PPP1R12B: variants seen among roughly 807,000 people sequenced by gnomAD.
PPP1R12B encodes protein phosphatase 1 regulatory subunit 12B, also known as myosin phosphatase target subunit 2.
Under a neutral mutation model 126.1 loss-of-function variants are expected in PPP1R12B, and 76 were observed. That is an observed-to-expected ratio of 0.60 (90% confidence interval 0.50 to 0.73). The LOEUF (loss-of-function observed/expected upper bound fraction) is 0.73. Among genes scored for constraint, PPP1R12B ranks in the 30% least tolerant of loss-of-function variants. The pLI, the probability that PPP1R12B is intolerant of heterozygous loss-of-function variation, is 0.00. For missense variants in PPP1R12B, 1,052 were observed against 1,205.1 expected (o/e 0.87, Z 1.88); for synonymous variants, 356 against 434.7 (o/e 0.82, Z 2.25).
chr1:202,421,812 A>G (rs955255280), intron 2 of PPP1R12B, among the ~76,000 whole-genome samples: 1 of 152,188 alleles, frequency 6.6e-6, no homozygotes, highest in African/African-American at 2.4e-5. Context: ...ACTGGCCCAA[A>G]AGTGACTTGA....
rs147004023 is a variant in PPP1R12B, at chr1:202,584,073, G to A, written c.*3513G>A. On this transcript the variant is annotated 3_prime_UTR_variant, in exon 24 of 24. Coordinates refer to ENST00000608999, the MANE Select transcript of PPP1R12B (RefSeq NM_002481.4). ...GCCCCATCCCAATCTCTAGCGAAAG[G>A]GTTATGCAAATCTCAGGGTGTTGCC... 1 of 152,266 alleles carries A rather than the reference G, an allele frequency of 6.6e-6. No individual in the cohort carries two copies. Among genetic ancestry groups the A allele is most frequent in the Non-Finnish European group, 1.5e-5 (1 of 68,026 alleles). The allele number at this position is 152,266 out of a possible 1,614,324, so 9.4% of individuals were successfully genotyped here. A position where few individuals can be genotyped will look rare whatever the true frequency, so the allele number is the denominator to read the frequency against.
chr1:202,365,069 T>C (rs183694390), intron 1 of PPP1R12B, among the ~76,000 whole-genome samples: 4 of 152,296 alleles, frequency 2.6e-5, no homozygotes, highest in African/African-American at 9.6e-5. Flanking sequence ...ACATATTAAT[T>C]GGTTTTTTTT....
chr1:202,357,859 A>C (rs1211552636), intron 1 of PPP1R12B, among the ~76,000 whole-genome samples: 1 of 152,180 alleles, frequency 6.6e-6, no homozygotes, highest in African/African-American at 2.4e-5. Context: ...CAGTAGATAC[A>C]ATTTAGAAAC....
At chr1:202,567,380 C>CT (rs35011066) in intron 21 of PPP1R12B, 63,548 of 147,820 alleles carry the variant, frequency 0.43, 14,416 homozygotes, top group East Asian at 0.69. Flanking sequence ...AAAGAAAAGC[C>CT]TTTTTTTTTT....
At chr1:202,358,565 C>T (rs547831768) in intron 1 of PPP1R12B, among the ~76,000 whole-genome samples, 6 of 152,082 alleles carry the variant, frequency 3.9e-5, no homozygotes, top group African/African-American at 9.6e-5. Context: ...GCCTGTTGTC[C>T]CAGCTACTCG....
At chr1:202,374,323 T>C (rs1305873381) in intron 1 of PPP1R12B, among the ~76,000 whole-genome samples, 1 of 152,072 alleles carries the variant, frequency 6.6e-6, no homozygotes, top group African/African-American at 2.4e-5. Flanking sequence ...TTCAATAATG[T>C]TTATACAGCA....
chr1:202,428,718 T>A lies in PPP1R12B; in HGVS notation c.847-137T>A. ...GATAGATGAAGGTGTTATCATAATG[T>A]ATGGTAGATTAGTTTGAAAAGCAGC... On this transcript the variant is annotated intron_variant, in intron 5 of 23. Transcript: ENST00000608999. The A allele has an allele frequency of 4.4e-6, 3 of 682,416 alleles. No individual in the cohort carries two copies. In the East Asian group the frequency reaches 8.5e-5, roughly 19 times the overall value. 42.3% of individuals were successfully genotyped at this position (682,416 alleles called of 1,614,324 possible).
chr1:202,543,534 G>A (rs1449971717), intron 18 of PPP1R12B, among the ~76,000 whole-genome samples: 2 of 152,158 alleles, frequency 1.3e-5, no homozygotes, highest in African/African-American at 4.8e-5. Context: ...GAGGTCAGGA[G>A]TTCGAGACCA....
At chr1:202,425,888 A>G (rs1197004743) in intron 4 of PPP1R12B, among the ~76,000 whole-genome samples, 163 bp downstream of exon 4, 3 of 152,098 alleles carry the variant, frequency 2.0e-5, no homozygotes, top group Non-Finnish European at 4.4e-5. Flanking sequence ...GTATTCATCC[A>G]TGGATTGTCT....
Position 202,427,187 on chromosome 1 carries a change from TA to T in PPP1R12B, c.846+4del. 1 of 1,613,850 alleles carries T rather than the reference TA, an allele frequency of 6.2e-7. No homozygotes were observed. Among genetic ancestry groups the T allele is most frequent in the Non-Finnish European group, 8.5e-7 (1 of 1,179,942 alleles). ...ACATGGATATTCGAAATAAACTGGTTAGTGAGCCTGAACCTCTAAAAGAACA... is the reference window on the plus strand; with the variant it reads ...ACATGGATATTCGAAATAAACTGGTTGTGAGCCTGAACCTCTAAAAGAACA... On this transcript the variant is annotated splice_donor_region_variant and intron_variant, in intron 5 of 23. Transcript: ENST00000608999.
rs947063041 is a variant in PPP1R12B, at chr1:202,427,303, G to T, written c.846+119G>T. ...TGTTGTGAAATATACATCACTGGTAGCTATAATGTTACCCTCCACCACCCT... is the reference window on the plus strand; with the variant it reads ...TGTTGTGAAATATACATCACTGGTATCTATAATGTTACCCTCCACCACCCT... On this transcript the variant is annotated intron_variant, in intron 5 of 23. Transcript: ENST00000608999. 1.7e-5 allele frequency: 24 copies of T among 1,389,242 alleles called. No individual in the cohort carries two copies. In the African/African-American group the frequency reaches 3.0e-4, roughly 18 times the overall value. The allele number at this position is 1,389,242 out of a possible 1,614,324, so 86.1% of individuals were successfully genotyped here. A position where few individuals can be genotyped will look rare whatever the true frequency, so the allele number is the denominator to read the frequency against.
chr1:202,580,433 C>T (rs754525509), intron 23 of PPP1R12B, 41 bp from the exon 24 acceptor site: 15 of 1,545,388 alleles, frequency 9.7e-6, no homozygotes, highest in Non-Finnish European at 8.9e-6. Flanking sequence ...AAGGAGGATC[C>T]TGCCAGGCTC....
intron 21 of PPP1R12B, 41 bp from the exon 22 acceptor site, chr1:202,567,737 G>A: frequency 6.2e-7 from 1 of 1,606,574 alleles, no homozygotes. Context: ...CTGGCCCTTA[G>A]ACAACTTAAA....
At position 202,582,474 on chromosome 1, in the gene PPP1R12B, T is replaced by TTATA. The variant is rs1237097260; in HGVS notation, c.*1915_*1916insATAT. On this transcript the variant is annotated 3_prime_UTR_variant, in exon 24 of 24. Coordinates refer to ENST00000608999, the MANE Select transcript of PPP1R12B (RefSeq NM_002481.4). ...CAGTGATATTCAGTGTTTAGAGTGG[T>TTATA]TCATTCCCTTAATATATACTACCTC... 6.6e-6 allele frequency: 1 copy of TTATA among 152,616 alleles called. No individual in the cohort carries two copies. The highest frequency in any genetic ancestry group is 1.5e-5 in the Non-Finnish European group (1 of 68,038). The allele number at this position is 152,616 out of a possible 1,614,324, so 9.5% of individuals were successfully genotyped here. A position where few individuals can be genotyped will look rare whatever the true frequency, so the allele number is the denominator to read the frequency against.
At chr1:202,519,318 G>A (rs573985624) in intron 18 of PPP1R12B, among the ~76,000 whole-genome samples, 57 of 152,116 alleles carry the variant, frequency 3.7e-4, no homozygotes, top group African/African-American at 1.3e-3. Flanking sequence ...GGGCTGGAGT[G>A]CAGTTGTGTG....
At chr1:202,402,851 C>T (rs1261110937) in intron 1 of PPP1R12B, among the ~76,000 whole-genome samples, 1 of 152,126 alleles carries the variant, frequency 6.6e-6, no homozygotes, top group Non-Finnish European at 1.5e-5. Context: ...GTAAATTTTA[C>T]TTCAAAAGAA....
chr1:202,406,431 A>G (rs986712410), intron 1 of PPP1R12B, among the ~76,000 whole-genome samples: 2 of 152,354 alleles, frequency 1.3e-5, no homozygotes, highest in East Asian at 1.9e-4. Context: ...GAGTAGACTA[A>G]TATCAGTTTA....
rs1234995898 is a variant in PPP1R12B, at chr1:202,521,325, A to G, written c.2490+24503A>G. 2.6e-5 allele frequency among the ~76,000 whole-genome samples: 4 copies of G among 152,314 alleles called. No individual in the cohort carries two copies. The East Asian group carries it at 5.8e-4, about 22-fold the overall frequency. ...ATAAAAATTGAGCCCCCAAAACATT[A>G]CAAAGAACCCAGTAAAACCTAAGAT... On this transcript the variant is annotated intron_variant, in intron 18 of 23. Coordinates refer to ENST00000608999, the MANE Select transcript of PPP1R12B (RefSeq NM_002481.4).
In PPP1R12B at chr1:202,581,987, C is replaced by CATGG. The variant is rs1689574015; in HGVS notation, c.*1428_*1431dup. 6.6e-6 allele frequency: 1 copy of CATGG among 152,218 alleles called. No homozygotes were observed. The highest frequency in any genetic ancestry group is 2.1e-4 in the South Asian group (1 of 4,828). 9.4% of individuals were successfully genotyped at this position (152,218 alleles called of 1,614,324 possible). A position where few individuals can be genotyped will look rare whatever the true frequency, so the allele number is the denominator to read the frequency against. On this transcript the variant is annotated 3_prime_UTR_variant, in exon 24 of 24. Coordinates refer to ENST00000608999, the MANE Select transcript of PPP1R12B (RefSeq NM_002481.4). ...TGCTACCACAGCTTTCACCCATGGG[C>CATGG]ATGGTCAGGTAGCCTCTGGTGGCTA...
Sources: allele counts gnomAD v4.1 joint callset (sites outside exome capture counted in the v4.1 genomes callset), GRCh38; gene constraint gnomAD v4.1.1; transcripts MANE v1.5; gene names NCBI Gene and HGNC (gene_info 2026-07-23, HGNC 2026-07-21).